Variants in ABCC8 observed in about 807,000 individuals in gnomAD.
ABCC8 encodes ATP-binding cassette sub-family C member 8.
Under a neutral mutation model 188.0 loss-of-function variants are expected in ABCC8, and 137 were observed. The ratio of observed to expected loss-of-function variants is 0.73; its 90% CI spans 0.63 to 0.84. The LOEUF is 0.84. Among genes scored for constraint, ABCC8 ranks in the 40% least tolerant of loss-of-function variants. The pLI, the probability that ABCC8 is intolerant of heterozygous loss-of-function variation, is 0.00. For synonymous variants in ABCC8, 797 were observed against 846.5 expected, an observed-to-expected ratio of 0.94 and a Z score of 1.01; for missense variants, 1,750 against 2,072.7, an observed-to-expected ratio of 0.84 and a Z score of 3.02.
At chr11:17,399,823 A>G (rs895695634) in intron 29 of ABCC8, among the ~76,000 whole-genome samples, 1 of 152,196 alleles carries the variant, frequency 6.6e-6, no homozygotes, top group Non-Finnish European at 1.5e-5. Flanking sequence ...CTCTCTGCAC[A>G]GGGAACTCTG....
Position 17,475,034 on chromosome 11 carries a change from G to A in ABCC8, c.149-7C>T, listed in dbSNP as rs1848685464. ...GAGCTCTGACTTCCCCATCCTGCAGGGAGAGACAGTCAGAGGCAGGATGCC... is the reference window on the plus strand; with the variant it reads ...GAGCTCTGACTTCCCCATCCTGCAGAGAGAGACAGTCAGAGGCAGGATGCC... On this transcript the variant is annotated splice_region_variant and splice_polypyrimidine_tract_variant and intron_variant, in intron 1 of 38. Transcript: ENST00000389817. 1.2e-6 allele frequency: 2 copies of A among 1,614,112 alleles called. No individual in the cohort carries two copies. Among genetic ancestry groups the A allele is most frequent in the Non-Finnish European group, 1.7e-6 (2 of 1,179,988 alleles).
At position 17,427,827 on chromosome 11, in the gene ABCC8, C is replaced by T. The variant is rs771871872; in HGVS notation, c.2116+40G>A. On this transcript the variant is annotated intron_variant, in intron 15 of 38. Transcript: ENST00000389817. This position sits in a 1 kb window ranked among gnomAD's most constrained non-coding sequence, Gnocchi z 5.0. ...TTTATCTCTATGTTATTCAGTGGGACATGGGGAGGGGCATGCTGGAGGGGT... is the reference window on the plus strand; with the variant it reads ...TTTATCTCTATGTTATTCAGTGGGATATGGGGAGGGGCATGCTGGAGGGGT... 2.0e-5 allele frequency: 32 copies of T among 1,610,948 alleles called. No homozygotes were observed. Among genetic ancestry groups the T allele is most frequent in the Non-Finnish European group, 2.5e-5 (30 of 1,178,440 alleles).
intron 8 of ABCC8, 152 bp downstream of exon 8, chr11:17,448,364 C>T (rs570294153): frequency 5.8e-5 from 42 of 720,274 alleles, no homozygotes; most frequent in Admixed American, 5.7e-4. Flanking sequence ...AGGAGGGACC[C>T]AGAGGTACAG....
chr11:17,404,713 G>T lies in ABCC8; in HGVS notation c.3400-44C>A. ...AGAGAGTGAGGTGAATTTTGGTATT[G>T]ACTGTGTTTAGAGTGCTACTGGCCG... On this transcript the variant is annotated intron_variant, in intron 27 of 38. Coordinates refer to ENST00000389817, the MANE Select transcript of ABCC8 (RefSeq NM_000352.6). This position sits in a 1 kb window ranked among gnomAD's most constrained non-coding sequence, Gnocchi z 4.7. The T allele has an allele frequency of 1.3e-6, 2 of 1,566,392 alleles. No individual in the cohort carries two copies. Among genetic ancestry groups the T allele is most frequent in the South Asian group, 1.2e-5 (1 of 85,626 alleles).
At chr11:17,414,442 G>A (rs1174631884) in intron 19 of ABCC8, 70 bp downstream of exon 19, 30 of 1,590,406 alleles carry the variant, frequency 1.9e-5, no homozygotes, top group South Asian at 1.9e-4. Context: ...GGAGGGGCCC[G>A]GAACTGGGGC....
rs1564880489 is a variant in ABCC8, at chr11:17,398,407, A to G, written c.3685T>C (p.Tyr1229His). Reference sequence around the variant, plus strand: ...GAAGCAATGTTGTTGGAGTCTGTGTATTCGAGAAGCTTCTGCTGGAACCGG... The same window carrying G: ...GAAGCAATGTTGTTGGAGTCTGTGTGTTCGAGAAGCTTCTGCTGGAACCGG... Reference protein sequence around the residue: ...EARFQQKLLEYTDSNNIASLF... With the variant: ...EARFQQKLLEHTDSNNIASLF... The change falls in exon 30 of 39, where the codon TAC becomes CAC. Residue 1229 changes from tyrosine to histidine, a missense_variant. Physicochemically the swap from Tyr to His is moderately conservative, Grantham distance 83. Coordinates refer to ENST00000389817, the MANE Select transcript of ABCC8 (RefSeq NM_000352.6). The G allele has an allele frequency of 5.0e-6, 8 of 1,614,158 alleles. No individual in the cohort carries two copies. The highest frequency in any genetic ancestry group is 6.8e-6 in the Non-Finnish European group (8 of 1,180,010).
At chr11:17,410,126 C>A (rs1954737866) in intron 22 of ABCC8, 1 of 175,864 alleles carries the variant, frequency 5.7e-6, no homozygotes. Flanking sequence ...CATCCATCCA[C>A]CCCGGGAAGG....
At chr11:17,456,243 T>C (rs1167025422) in intron 6 of ABCC8, among the ~76,000 whole-genome samples, 1 of 152,212 alleles carries the variant, frequency 6.6e-6, no homozygotes, top group African/African-American at 2.4e-5. Flanking sequence ...TAGTGCTCAA[T>C]ACCGATTTTT....
At chr11:17,452,036 G>A (rs1463612946) in intron 7 of ABCC8, among the ~76,000 whole-genome samples, 1 of 152,230 alleles carries the variant, frequency 6.6e-6, no homozygotes, top group African/African-American at 2.4e-5. Flanking sequence ...TGATCATTGA[G>A]TAGCTCCTGT....
At chr11:17,421,134 G>C (rs1955321313) in intron 16 of ABCC8, among the ~76,000 whole-genome samples, 1 of 152,216 alleles carries the variant, frequency 6.6e-6, no homozygotes, top group Non-Finnish European at 1.5e-5. Flanking sequence ...AGCTCCCCAA[G>C]GGCAGGTGCT....
intron 26 of ABCC8, 182 bp downstream of exon 26, chr11:17,406,440 G>T (rs1276921817): frequency 3.7e-5 from 24 of 640,444 alleles, no homozygotes; most frequent in Middle Eastern, 6.6e-4. Context: ...GTATCTGGCT[G>T]AGTAAATGCC....
In ABCC8 at chr11:17,397,539, GCCTT is replaced by G. The variant is rs1954003979; in HGVS notation, c.3867+141_3867+144del. Reference sequence around the variant, plus strand: ...CCTGGGCCCTGGGGCCTGCTGGTCAGCCTTCCTGCCCGCACTGTCCCTCTGGCAT... The same window carrying G: ...CCTGGGCCCTGGGGCCTGCTGGTCAGCCTGCCCGCACTGTCCCTCTGGCAT... On this transcript the variant is annotated intron_variant, in intron 31 of 38. Coordinates refer to ENST00000389817, the MANE Select transcript of ABCC8 (RefSeq NM_000352.6). 8.4e-6 allele frequency: 12 copies of G among 1,424,370 alleles called. No homozygotes were observed. In the South Asian group the frequency reaches 1.5e-4, roughly 18 times the overall value. 88.2% of individuals were successfully genotyped at this position (1,424,370 alleles called of 1,614,324 possible).
At position 17,466,149 on chromosome 11, in the gene ABCC8, C is replaced by T. The variant is rs140569665; in HGVS notation, c.413-2545G>A. Among the ~76,000 whole-genome samples, 1,240 of 152,176 alleles carry T rather than the reference C, an allele frequency of 8.1e-3. 16 individuals carry two copies. Among genetic ancestry groups the T allele is most frequent in the African/African-American group, 0.028 (1,147 of 41,506 alleles). ...GGCAAGGTGGCTCTCGCCTGTAATC[C>T]GAGCACTTTGGGAGGCCGAGGTGGG... On this transcript the variant is annotated intron_variant, in intron 3 of 38. Transcript: ENST00000389817.
At chr11:17,413,093 A>T in intron 20 of ABCC8, 1 of 599,178 alleles carries the variant, frequency 1.7e-6, no homozygotes, top group East Asian at 3.0e-5. Context: ...CTGGAGGATG[A>T]ACAGGAACAA....
chr11:17,427,247 T>G lies in ABCC8; in HGVS notation c.2117-93A>C. Reference sequence around the variant, plus strand: ...ACAGACAGACAGATGCACCCAACCCTGGGGCCCCTGTTTTCTTTCTTCCTA... The same window carrying G: ...ACAGACAGACAGATGCACCCAACCCGGGGGCCCCTGTTTTCTTTCTTCCTA... On this transcript the variant is annotated intron_variant, in intron 15 of 38. Transcript: ENST00000389817. This position sits in a 1 kb window ranked among gnomAD's most constrained non-coding sequence, Gnocchi z 5.0. 2 of 1,394,244 alleles carry G rather than the reference T, an allele frequency of 1.4e-6. No individual in the cohort carries two copies. The highest frequency in any genetic ancestry group is 1.9e-6 in the Non-Finnish European group (2 of 1,074,814). The allele number at this position is 1,394,244 out of a possible 1,614,324, so 86.4% of individuals were successfully genotyped here.
rs369024636 is a variant in ABCC8, at chr11:17,413,378, A to T, written c.2475+16T>A. 3.7e-5 allele frequency: 60 copies of T among 1,614,082 alleles called. No homozygotes were observed. The highest frequency in any genetic ancestry group is 3.3e-4 in the Middle Eastern group (2 of 6,084). On this transcript the variant is annotated intron_variant, in intron 20 of 38. Coordinates refer to ENST00000389817, the MANE Select transcript of ABCC8 (RefSeq NM_000352.6). ...GGTCCTGGCTTTGAAAAAACCCCTCAGAGGCTGCTACTAACCCGTTCCCCA... is the reference window on the plus strand; with the variant it reads ...GGTCCTGGCTTTGAAAAAACCCCTCTGAGGCTGCTACTAACCCGTTCCCCA...
intron 6 of ABCC8, among the ~76,000 whole-genome samples, chr11:17,453,608 G>A (rs1956891014): frequency 3.9e-5 from 6 of 152,168 alleles, no homozygotes; most frequent in Admixed American, 3.9e-4. Flanking sequence ...AATGGGGCAA[G>A]AATAAATAGA....
intron 10 of ABCC8, chr11:17,435,688 C>T: frequency 7.2e-7 from 1 of 1,388,698 alleles, no homozygotes; most frequent in East Asian, 2.3e-5. Context: ...GGCTGCCAGC[C>T]CTACAGAGGA....
Position 17,404,852 on chromosome 11 carries a change from C to T in ABCC8, c.3400-183G>A. Reference sequence around the variant, plus strand: ...TCTCGGTTCACGGCAGCCTCTGCCCCTTGGGTTCAAATGATTCTCCTGCCT... The same window carrying T: ...TCTCGGTTCACGGCAGCCTCTGCCCTTTGGGTTCAAATGATTCTCCTGCCT... On this transcript the variant is annotated intron_variant, in intron 27 of 38. Transcript: ENST00000389817. The surrounding 1 kb of genome is among the most constrained non-coding windows in gnomAD (Gnocchi z 4.7). 1 of 506,768 alleles carries T rather than the reference C, an allele frequency of 2.0e-6. No homozygotes were observed. Among genetic ancestry groups the T allele is most frequent in the Non-Finnish European group, 2.5e-6 (1 of 392,408 alleles). The allele number at this position is 506,768 out of a possible 1,614,324, so 31.4% of individuals were successfully genotyped here. A position where few individuals can be genotyped will look rare whatever the true frequency, so the allele number is the denominator to read the frequency against.
Sources: gnomAD v4.1 joint callset for allele counts (sites outside exome capture counted in the v4.1 genomes callset) on GRCh38, gnomAD v4.1.1 for gene constraint, Gnocchi (gnomAD v3.1) non-coding constraint, MANE v1.5 for transcripts, NCBI Gene and HGNC (gene_info 2026-07-23, HGNC 2026-07-21) for gene names.